CYSLTR2: variants seen among roughly 807,000 people sequenced by gnomAD.
The protein encoded by CYSLTR2 is G-protein coupled receptor GPCR21.
For missense variants in CYSLTR2, 398 were observed against 411.9 expected (o/e 0.97, Z 0.29); for synonymous variants, 179 against 160.8 (o/e 1.11, Z -0.86).
intron 1 of CYSLTR2, among the ~76,000 whole-genome samples, chr13:48,675,913 C>G (rs1345483250): frequency 6.6e-6 from 1 of 152,198 alleles, no homozygotes; most frequent in African/African-American, 2.4e-5. Context: ...AGTTCCTCAA[C>G]CCCTTGCACT....
At position 48,707,319 on chromosome 13, in the gene CYSLTR2, G is replaced by T; in HGVS notation, c.502G>T (p.Ala168Ser). 6.2e-7 allele frequency: 1 copy of T among 1,613,936 alleles called. No individual in the cohort carries two copies. The highest frequency in any genetic ancestry group is 8.5e-7 in the Non-Finnish European group (1 of 1,180,026). ...LCGIIWILIM[A>S]SSIMLLDSGS... Reference sequence around the variant, plus strand: ...TGGGATCATATGGATCCTTATCATGGCTTCCTCAATAATGCTCCTGGACAG... The same window carrying T: ...TGGGATCATATGGATCCTTATCATGTCTTCCTCAATAATGCTCCTGGACAG... The change falls in exon 5 of 5, where the codon GCT (alanine) becomes TCT (serine). Residue 168 changes from alanine (A) to serine (S), a missense_variant. Physicochemically the swap from Ala to Ser is moderately conservative, Grantham distance 99 (BLOSUM62 1). Transcript: ENST00000682523.
intron 4 of CYSLTR2, among the ~76,000 whole-genome samples, chr13:48,697,869 A>G (rs1038413081): frequency 6.6e-6 from 1 of 152,262 alleles, no homozygotes; most frequent in African/African-American, 2.4e-5. Flanking sequence ...TATGTGACGC[A>G]TGCACAAGCT....
chr13:48,654,251 T>TTGTGTGTGTGTGTGTG (rs372575519), intron 1 of CYSLTR2, among the ~76,000 whole-genome samples: 1 of 129,308 alleles, frequency 7.7e-6, no homozygotes, highest in Non-Finnish European at 1.7e-5. Context: ...GATCGTCCCT[T>TTGTGTGTGTGTGTGTG]TGTGTGTGTG....
At chr13:48,683,660 A>C (rs796149984) in intron 1 of CYSLTR2, among the ~76,000 whole-genome samples, 36 of 152,024 alleles carry the variant, frequency 2.4e-4, no homozygotes, top group African/African-American at 8.4e-4. Flanking sequence ...AGCTTGCAAA[A>C]ATTTTCTCCT....
At chr13:48,697,669 G>C (rs1954228897) in intron 4 of CYSLTR2, among the ~76,000 whole-genome samples, 1 of 152,240 alleles carries the variant, frequency 6.6e-6, no homozygotes, top group African/African-American at 2.4e-5. Flanking sequence ...GAATGACTTT[G>C]AAGAGTTGAG....
chr13:48,655,332 C>G (rs1276388149), intron 1 of CYSLTR2, among the ~76,000 whole-genome samples: 2 of 152,148 alleles, frequency 1.3e-5, no homozygotes, highest in African/African-American at 4.8e-5. Flanking sequence ...GTGGGCACAG[C>G]GAAGATCGAT....
chr13:48,698,802 G>A (rs1337395159), intron 4 of CYSLTR2, among the ~76,000 whole-genome samples: 5 of 152,026 alleles, frequency 3.3e-5, no homozygotes, highest in African/African-American at 7.3e-5. Context: ...ACACACATAG[G>A]CTCAAAATAA....
At chr13:48,692,078 T>A (rs181985842) in intron 2 of CYSLTR2, among the ~76,000 whole-genome samples, 1 of 152,180 alleles carries the variant, frequency 6.6e-6, no homozygotes, top group African/African-American at 2.4e-5. Context: ...GCTTGATTAT[T>A]CTGAATTTGG....
intron 4 of CYSLTR2, among the ~76,000 whole-genome samples, chr13:48,705,176 C>T (rs1465277340): frequency 3.3e-5 from 5 of 152,092 alleles, no homozygotes; most frequent in Non-Finnish European, 2.9e-5. Flanking sequence ...TATAGTGTCC[C>T]TCACTGTCTC....
At chr13:48,697,647 A>G (rs1248719944) in intron 4 of CYSLTR2, among the ~76,000 whole-genome samples, 1 of 152,250 alleles carries the variant, frequency 6.6e-6, no homozygotes, top group African/African-American at 2.4e-5. Context: ...CAACGGAACA[A>G]AGCTGGACGG....
chr13:48,668,142 C>A (rs111813833), intron 1 of CYSLTR2, among the ~76,000 whole-genome samples: 5 of 151,964 alleles, frequency 3.3e-5, no homozygotes, highest in African/African-American at 1.2e-4. Flanking sequence ...TCTGGAGAGG[C>A]AGACATGATG....
rs537754197 is a variant in CYSLTR2, at chr13:48,708,857, A to G, written c.*999A>G. On this transcript the variant is annotated 3_prime_UTR_variant, in exon 5 of 5. Transcript: ENST00000682523. ...TGCCTTCCCTTTTGAGATAGTGTAG[A>G]AAAACACTAGATAGTGTGAGAGGTT... 3 of 167,194 alleles carry G rather than the reference A, an allele frequency of 1.8e-5. No individual in the cohort carries two copies. In the East Asian group the frequency reaches 5.8e-4, roughly 32 times the overall value. The allele number at this position is 167,194 out of a possible 1,614,324, so 10.4% of individuals were successfully genotyped here.
intron 1 of CYSLTR2, among the ~76,000 whole-genome samples, chr13:48,661,204 A>T (rs545394466): frequency 2.4e-4 from 36 of 151,862 alleles, no homozygotes; most frequent in African/African-American, 8.2e-4. Context: ...TTCCTGCCTC[A>T]GCCTCCCAAA....
chr13:48,697,915 T>G (rs1002146705), intron 4 of CYSLTR2, among the ~76,000 whole-genome samples: 13 of 152,104 alleles, frequency 8.5e-5, no homozygotes, highest in Non-Finnish European at 1.8e-4. Flanking sequence ...AGAAAGGTTA[T>G]CAGTGATTTA....
chr13:48,704,268 T>C (rs1037639351), intron 4 of CYSLTR2, among the ~76,000 whole-genome samples: 5 of 152,190 alleles, frequency 3.3e-5, no homozygotes, highest in African/African-American at 1.2e-4. Context: ...CCCACGCCTA[T>C]AATCTCACGG....
chr13:48,666,696 T>A (rs769587870), intron 1 of CYSLTR2, among the ~76,000 whole-genome samples: 1 of 152,164 alleles, frequency 6.6e-6, no homozygotes, highest in Non-Finnish European at 1.5e-5. Flanking sequence ...CTCTCTATTA[T>A]ATTTTTATTT....
At chr13:48,654,251 TTGTGTGTG>T (rs372575519) in intron 1 of CYSLTR2, among the ~76,000 whole-genome samples, 4,507 of 129,110 alleles carry the variant, frequency 0.035, 55 homozygotes, top group Middle Eastern at 0.056. Context: ...GATCGTCCCT[TTGTGTGTG>T]TGTGTGTGTG....
intron 4 of CYSLTR2, among the ~76,000 whole-genome samples, chr13:48,703,945 G>A (rs1337977287): frequency 1.3e-5 from 2 of 151,972 alleles, no homozygotes; most frequent in African/African-American, 2.4e-5. Flanking sequence ...TTTAATGTTC[G>A]GTGAGTTATT....
intron 1 of CYSLTR2, among the ~76,000 whole-genome samples, chr13:48,668,416 G>C (rs542941005): frequency 6.6e-6 from 1 of 152,060 alleles, no homozygotes; most frequent in Admixed American, 6.6e-5. Flanking sequence ...GAAAGGCACA[G>C]GAATAGGCAT....
Sources: gnomAD v4.1 joint callset for allele counts (sites outside exome capture counted in the v4.1 genomes callset) on GRCh38, gnomAD v4.1.1 for gene constraint, MANE v1.5 for transcripts, NCBI Gene and HGNC (gene_info 2026-07-23, HGNC 2026-07-21) for gene names.